The following USP12 variants were observed in gnomAD, a reference collection of about 807,000 sequenced individuals.
USP12 encodes the protein ubiquitin specific peptidase 12, also known as ubiquitin carboxyl-terminal hydrolase 12.
A neutral mutation model predicts 45.5 loss-of-function variants in USP12; 19 were observed. The ratio of observed to expected loss-of-function variants is 0.42; its 90% CI spans 0.29 to 0.61. USP12 has a LOEUF of 0.61. USP12 is among the 20% of genes least tolerant of loss of function. USP12 has a pLI of 0.22. For synonymous variants in USP12, 149 were observed against 148.8 expected (o/e 1.00, Z -0.01); for missense variants, 242 against 447.7 (o/e 0.54, Z 4.15).
At chr13:27,149,903 T>C (rs1877493135) in intron 1 of USP12, among the ~76,000 whole-genome samples, 1 of 152,212 alleles carries the variant, frequency 6.6e-6, no homozygotes, top group Non-Finnish European at 1.5e-5. Flanking sequence ...TCTAATGCCT[T>C]CTACTGATCT....
At chr13:27,079,559 C>CA (rs1226778973) in intron 6 of USP12, among the ~76,000 whole-genome samples, 1 of 152,174 alleles carries the variant, frequency 6.6e-6, no homozygotes, top group African/African-American at 2.4e-5. Flanking sequence ...AACCGGAATA[C>CA]CAACTACCCA....
At chr13:27,132,048 AC>A (rs1876528072) in intron 1 of USP12, among the ~76,000 whole-genome samples, 1 of 152,202 alleles carries the variant, frequency 6.6e-6, no homozygotes, top group African/African-American at 2.4e-5. Context: ...AGCTAGATTT[AC>A]CAATTCTCAT....
At chr13:27,076,523 T>A (rs960867914) in intron 6 of USP12, among the ~76,000 whole-genome samples, 5 of 152,220 alleles carry the variant, frequency 3.3e-5, no homozygotes, top group African/African-American at 1.2e-4. Flanking sequence ...GCTTATTACA[T>A]GGTAACAATT....
chr13:27,160,968 C>G (rs1179370358), intron 1 of USP12, among the ~76,000 whole-genome samples: 2 of 152,042 alleles, frequency 1.3e-5, no homozygotes, highest in African/African-American at 4.8e-5. Flanking sequence ...CCCACAGGCC[C>G]CAGTGTGTAG....
At chr13:27,171,061 C>G (rs1435731400) in intron 1 of USP12, among the ~76,000 whole-genome samples, 2 of 152,084 alleles carry the variant, frequency 1.3e-5, no homozygotes, top group Admixed American at 1.3e-4. Flanking sequence ...CCCGCCCCGG[C>G]CGAGACCCTT....
chr13:27,087,772 C>T (rs537799836), intron 6 of USP12, among the ~76,000 whole-genome samples: 2 of 152,286 alleles, frequency 1.3e-5, no homozygotes, highest in South Asian at 4.1e-4. Flanking sequence ...TGACTGGGCA[C>T]ATCAAGAAGA....
chr13:27,103,607 A>AAAAAATAAAATAAT lies in USP12; in HGVS notation c.343+2123_343+2124insATTATTTTATTTTT, dbSNP rs372985958. ...GTAACTATTGAACTATCAAAAAAAA[A>AAAAAATAAAATAAT]AATAATAATAATAATAATAATAAGG... On this transcript the variant is annotated intron_variant, in intron 3 of 8. Transcript: ENST00000282344. Among the ~76,000 whole-genome samples the AAAAAATAAAATAAT allele has an allele frequency of 2.3e-5, 3 of 128,520 alleles. No individual in the cohort carries two copies. In the East Asian group the frequency reaches 6.7e-4, roughly 29 times the overall value. 84.3% of individuals were successfully genotyped at this position (128,520 alleles called of 152,430 possible).
intron 7 of USP12, among the ~76,000 whole-genome samples, 186 bp from the exon 8 acceptor site, chr13:27,071,335 A>G (rs1046928619): frequency 6.6e-6 from 1 of 152,210 alleles, no homozygotes; most frequent in Non-Finnish European, 1.5e-5. Flanking sequence ...CTGGTCATCA[A>G]TTTTAAAATC....
intron 8 of USP12, among the ~76,000 whole-genome samples, chr13:27,070,001 T>C (rs1873168861): frequency 6.6e-6 from 1 of 151,908 alleles, no homozygotes; most frequent in African/African-American, 2.4e-5. Flanking sequence ...GAAAAATGAG[T>C]GTATACGTCC....
chr13:27,139,861 CTT>C (rs1226493730), intron 1 of USP12, among the ~76,000 whole-genome samples: 1 of 152,156 alleles, frequency 6.6e-6, no homozygotes, highest in East Asian at 1.9e-4. Context: ...AAAGTTATGA[CTT>C]ATCCTTACAG....
At chr13:27,082,135 G>A (rs1299046670) in intron 6 of USP12, among the ~76,000 whole-genome samples, 1 of 151,300 alleles carries the variant, frequency 6.6e-6, no homozygotes, top group Non-Finnish European at 1.5e-5. Flanking sequence ...CTCTAGCTAT[G>A]ACAGTCCTAA....
chr13:27,149,362 A>G (rs1453274658), intron 1 of USP12, among the ~76,000 whole-genome samples: 2 of 152,186 alleles, frequency 1.3e-5, no homozygotes, highest in African/African-American at 4.8e-5. Flanking sequence ...GTTAACTTCT[A>G]CTCAATACTG....
intron 1 of USP12, among the ~76,000 whole-genome samples, chr13:27,124,523 T>C (rs1468794065): frequency 6.6e-6 from 1 of 152,224 alleles, no homozygotes; most frequent in African/African-American, 2.4e-5. Flanking sequence ...CAATACACTG[T>C]TCCAGTTTCA....
At position 27,129,997 on chromosome 13, in the gene USP12, C is replaced by T. The variant is rs1876418832; in HGVS notation, c.49-13401G>A. Among the ~76,000 whole-genome samples the T allele has an allele frequency of 6.6e-6, 1 of 152,118 alleles. No homozygotes were observed. Among genetic ancestry groups the T allele is most frequent in the Non-Finnish European group, 1.5e-5 (1 of 68,040 alleles). On this transcript the variant is annotated intron_variant, in intron 1 of 8. Transcript: ENST00000282344. The surrounding 1 kb of genome is among the most constrained non-coding windows in gnomAD (Gnocchi z 4.0). Reference sequence around the variant, plus strand: ...ATACATCAGAATCAACTATTCTGAACCTTAGAACCTAATCAGACATTAAAC... The same window carrying T: ...ATACATCAGAATCAACTATTCTGAATCTTAGAACCTAATCAGACATTAAAC...
chr13:27,146,538 A>G (rs550144321), intron 1 of USP12, among the ~76,000 whole-genome samples: 1 of 152,350 alleles, frequency 6.6e-6, no homozygotes, highest in East Asian at 1.9e-4. Context: ...GTCAGCCATT[A>G]TAAGATTAAT....
intron 1 of USP12, among the ~76,000 whole-genome samples, chr13:27,118,975 A>G (rs1875866453): frequency 6.6e-6 from 1 of 152,204 alleles, no homozygotes; most frequent in African/African-American, 2.4e-5. Flanking sequence ...ACTATGGGTC[A>G]GGTATTGTCT....
Position 27,069,040 on chromosome 13 carries a change from T to G in USP12, c.*243A>C, listed in dbSNP as rs1045359403. 10 of 495,680 alleles carry G rather than the reference T, an allele frequency of 2.0e-5. No individual in the cohort carries two copies. The highest frequency in any genetic ancestry group is 1.8e-4 in the African/African-American group (9 of 50,792). 30.7% of individuals were successfully genotyped at this position (495,680 alleles called of 1,614,324 possible). A position where few individuals can be genotyped will look rare whatever the true frequency, so the allele number is the denominator to read the frequency against. On this transcript the variant is annotated 3_prime_UTR_variant, in exon 9 of 9. Transcript: ENST00000282344. ...GGCTGTTTTAAAAGAGGAGCTGGTA[T>G]CTCTGATTTCACCTCCTTGTTGTAT... is the stretch of plus-strand genomic sequence containing the variant.
At chr13:27,160,525 GAA>G (rs1483044700) in intron 1 of USP12, among the ~76,000 whole-genome samples, 4 of 150,342 alleles carry the variant, frequency 2.7e-5, no homozygotes, top group Non-Finnish European at 5.9e-5. Flanking sequence ...ACCAGACAAT[GAA>G]AAGATTCTAA....
At chr13:27,084,339 C>T (rs1873908024) in intron 6 of USP12, among the ~76,000 whole-genome samples, 1 of 151,564 alleles carries the variant, frequency 6.6e-6, no homozygotes, top group African/African-American at 2.4e-5. Context: ...AACCCCGTCT[C>T]TACTAAAAAT....
Sources: gnomAD v4.1 joint callset for allele counts (sites outside exome capture counted in the v4.1 genomes callset) on GRCh38, gnomAD v4.1.1 for gene constraint, Gnocchi (gnomAD v3.1) non-coding constraint, MANE v1.5 for transcripts, NCBI Gene and HGNC (gene_info 2026-07-23, HGNC 2026-07-21) for gene names.